The following PCDHGC3 variants were observed in gnomAD, a reference collection of about 807,000 sequenced individuals.
PCDHGC3 encodes the protein protocadherin gamma-C3.
PCDHGC3 carries 26 observed loss-of-function variants against 59.2 expected under a neutral mutation model. The ratio of observed to expected loss-of-function variants is 0.44; its 90% CI spans 0.32 to 0.61. The LOEUF (loss-of-function observed/expected upper bound fraction) is 0.61. Ranked by LOEUF, PCDHGC3 falls within the 20% of genes least tolerant of loss-of-function variation. PCDHGC3 has a pLI of 0.05. For synonymous variants in PCDHGC3, 487 were observed against 519.7 expected (o/e 0.94, Z 0.86); for missense variants, 1,080 against 1,221.8 (o/e 0.88, Z 1.73).
At position 141,477,550 on chromosome 5, in the gene PCDHGC3, C is replaced by T. The variant is rs1262360790; in HGVS notation, c.1434C>T (p.Asn478=). The T allele has an allele frequency of 4.3e-6, 7 of 1,614,178 alleles. No homozygotes were observed. The highest frequency in any genetic ancestry group is 5.9e-6 in the Non-Finnish European group (7 of 1,180,036). Residue 478 remains asparagine (N), a synonymous_variant, in exon 1 of 4, where the codon AAC becomes AAT. Transcript: ENST00000308177. This position sits in a 1 kb window ranked among gnomAD's most constrained non-coding sequence, Gnocchi z 4.9. ...ACCTCCCCGGGGCTCCAATACTAAACCTAAGTGTCTGGGACCCCGACGCCC... is the reference window on the plus strand; with the variant it reads ...ACCTCCCCGGGGCTCCAATACTAAATCTAAGTGTCTGGGACCCCGACGCCC... The part of the protein sequence containing the change: ...ENNLPGAPIL[N]LSVWDPDAPQ...
rs756466649 is a variant in PCDHGC3, at chr5:141,495,663, G to A, written c.2489+798G>A. 1.1e-3 allele frequency among the ~76,000 whole-genome samples: 169 copies of A among 152,164 alleles called. 3 individuals are homozygous for A. The highest frequency in any genetic ancestry group is 1.9e-3 in the Admixed American group (29 of 15,272). ...TTGTCTACTTGCATTGATCTGTGCCGCCCACTGTGCCTGCCATGGCATAAG... is the reference window on the plus strand; with the variant it reads ...TTGTCTACTTGCATTGATCTGTGCCACCCACTGTGCCTGCCATGGCATAAG... On this transcript the variant is annotated intron_variant, in intron 2 of 3. Coordinates refer to ENST00000308177, the MANE Select transcript of PCDHGC3 (RefSeq NM_002588.4).
intron 1 of PCDHGC3, among the ~76,000 whole-genome samples, chr5:141,480,873 C>A (rs1026513782): frequency 6.6e-6 from 1 of 152,168 alleles, no homozygotes; most frequent in East Asian, 1.9e-4. Context: ...GGTGAAACCC[C>A]GTCTCTACTA....
chr5:141,497,649 C>T (rs973501351), intron 2 of PCDHGC3, among the ~76,000 whole-genome samples: 1 of 151,784 alleles, frequency 6.6e-6, no homozygotes, highest in Non-Finnish European at 1.5e-5. Context: ...AAGCGATTCT[C>T]CTGCCTCAGC....
At position 141,490,076 on chromosome 5, in the gene PCDHGC3, A is replaced by G. The variant is rs1025569516; in HGVS notation, c.2431-4731A>G. 2.5e-6 allele frequency: 4 copies of G among 1,614,240 alleles called. No homozygotes were observed. The highest frequency in any genetic ancestry group is 1.3e-5 in the African/African-American group (1 of 75,070). Reference sequence around the variant, plus strand: ...GAGGGCACCAACGGCCAACTAGACTATTCTTTTGGAGACCACACATCTGAG... The same window carrying G: ...GAGGGCACCAACGGCCAACTAGACTGTTCTTTTGGAGACCACACATCTGAG... On this transcript the variant is annotated intron_variant, in intron 1 of 3. Coordinates refer to ENST00000308177, the MANE Select transcript of PCDHGC3 (RefSeq NM_002588.4). The surrounding 1 kb of genome is among the most constrained non-coding windows in gnomAD (Gnocchi z 5.4).
chr5:141,495,644 A>C (rs767670166), intron 2 of PCDHGC3, among the ~76,000 whole-genome samples: 1 of 151,770 alleles, frequency 6.6e-6, no homozygotes, highest in African/African-American at 2.4e-5. Flanking sequence ...TCATTTGTCT[A>C]CTTGCATTGA....
Position 141,490,943 on chromosome 5 carries a change from G to A in PCDHGC3, c.2431-3864G>A, listed in dbSNP as rs1035375216. The A allele has an allele frequency of 6.8e-6, 11 of 1,613,470 alleles. No homozygotes were observed. The East Asian group carries it at 1.1e-4, about 16-fold the overall frequency. On this transcript the variant is annotated intron_variant, in intron 1 of 3. Coordinates refer to ENST00000308177, the MANE Select transcript of PCDHGC3 (RefSeq NM_002588.4). This position sits in a 1 kb window ranked among gnomAD's most constrained non-coding sequence, Gnocchi z 5.4. Reference sequence around the variant, plus strand: ...AATGCCCCAGCTGTGCTGCACCCACGGCCAGACTGGGAACACTCAGCCCCC... The same window carrying A: ...AATGCCCCAGCTGTGCTGCACCCACAGCCAGACTGGGAACACTCAGCCCCC...
Position 141,491,029 on chromosome 5 carries a change from G to T in PCDHGC3, c.2431-3778G>T. 1 of 1,614,172 alleles carries T rather than the reference G, an allele frequency of 6.2e-7. No homozygotes were observed. The highest frequency in any genetic ancestry group is 1.1e-5 in the South Asian group (1 of 91,088). On this transcript the variant is annotated intron_variant, in intron 1 of 3. Coordinates refer to ENST00000308177, the MANE Select transcript of PCDHGC3 (RefSeq NM_002588.4). The surrounding 1 kb of genome is among the most constrained non-coding windows in gnomAD (Gnocchi z 6.9). ...GGTCACCAAGGTGACAGCCGTGGAT[G>T]CTGATGCAGGCCACAATGCGTGGCT...
In PCDHGC3 at chr5:141,486,341, C is replaced by T; in HGVS notation, c.2430+7795C>T. On this transcript the variant is annotated intron_variant, in intron 1 of 3. Coordinates refer to ENST00000308177, the MANE Select transcript of PCDHGC3 (RefSeq NM_002588.4). The surrounding 1 kb of genome is among the most constrained non-coding windows in gnomAD (Gnocchi z 5.0). ...AAACGGAGATGTGAGCCTCCGCATTCCTGACCACTTGCCATTTGCCCTCAA... is the reference window on the plus strand; with the variant it reads ...AAACGGAGATGTGAGCCTCCGCATTTCTGACCACTTGCCATTTGCCCTCAA... The T allele has an allele frequency of 6.2e-7, 1 of 1,614,128 alleles. No individual in the cohort carries two copies. Among genetic ancestry groups the T allele is most frequent in the Non-Finnish European group, 8.5e-7 (1 of 1,179,992 alleles).
At chr5:141,484,908 G>T in intron 1 of PCDHGC3, 1 of 415,428 alleles carries the variant, frequency 2.4e-6, no homozygotes, top group East Asian at 4.2e-5. Context: ...ATGCTGCGAC[G>T]CATTAACCCT....
chr5:141,502,577 A>G (rs1260539435), intron 2 of PCDHGC3, among the ~76,000 whole-genome samples: 2 of 152,192 alleles, frequency 1.3e-5, no homozygotes, highest in African/African-American at 4.8e-5. Context: ...TTATAAAAAT[A>G]TATTTTTATA....
Position 141,477,662 on chromosome 5 carries a change from A to G in PCDHGC3, c.1546A>G (p.Asn516Asp). The change falls in exon 1 of 4, where the codon AAT (asparagine) becomes GAT (aspartate). Residue 516 changes from asparagine to aspartate, a missense_variant. By Grantham distance (23) the Asn-to-Asp change is conservative. Transcript: ENST00000308177. The surrounding 1 kb of genome is among the most constrained non-coding windows in gnomAD (Gnocchi z 4.9). ...TCGCTATTTCACAATAAATCGTGAC[A>G]ATGGCATAGTGTCATCCTTAGTGCC... Reference protein sequence around the residue: ...VGRYFTINRDNGIVSSLVPLD... With the variant: ...VGRYFTINRDDGIVSSLVPLD... The G allele has an allele frequency of 6.2e-7, 1 of 1,614,222 alleles. No individual in the cohort carries two copies.
chr5:141,490,882 A>G lies in PCDHGC3; in HGVS notation c.2431-3925A>G, dbSNP rs758716907. ...CGGCTCTCCCCCATTGCATGCCAAC[A>G]CATCTCTGCATGTGTTTGTCCTAGA... On this transcript the variant is annotated intron_variant, in intron 1 of 3. Coordinates refer to ENST00000308177, the MANE Select transcript of PCDHGC3 (RefSeq NM_002588.4). This position sits in a 1 kb window ranked among gnomAD's most constrained non-coding sequence, Gnocchi z 5.4. 6.2e-7 allele frequency: 1 copy of G among 1,613,848 alleles called. No individual in the cohort carries two copies. Among genetic ancestry groups the G allele is most frequent in the Non-Finnish European group, 8.5e-7 (1 of 1,179,920 alleles).
Position 141,487,845 on chromosome 5 carries a change from A to C in PCDHGC3, c.2431-6962A>C, listed in dbSNP as rs2099667978. ...GGGTCATGCCTATATCTGAGTAAGA[A>C]ATGAAAGTAATTGGTGATCAAGAGC... On this transcript the variant is annotated intron_variant, in intron 1 of 3. Coordinates refer to ENST00000308177, the MANE Select transcript of PCDHGC3 (RefSeq NM_002588.4). The surrounding 1 kb of genome is among the most constrained non-coding windows in gnomAD (Gnocchi z 5.0). 2.9e-6 allele frequency: 3 copies of C among 1,027,382 alleles called. No homozygotes were observed. Among genetic ancestry groups the C allele is most frequent in the Non-Finnish European group, 4.2e-6 (3 of 716,452 alleles). The allele number at this position is 1,027,382 out of a possible 1,614,324, so 63.6% of individuals were successfully genotyped here.
intron 1 of PCDHGC3, among the ~76,000 whole-genome samples, chr5:141,481,676 G>A (rs975849679): frequency 3.3e-5 from 5 of 152,028 alleles, no homozygotes; most frequent in Admixed American, 1.3e-4. Flanking sequence ...AAATCAGGCC[G>A]GGCCTGGTGG....
intron 3 of PCDHGC3, among the ~76,000 whole-genome samples, chr5:141,506,444 CAAAAAAAAAA>C (rs1219684339): frequency 8.4e-5 from 8 of 95,030 alleles, no homozygotes; most frequent in Non-Finnish European, 1.3e-4. Context: ...CGCTCTGTCT[CAAAAAAAAAA>C]AAAAAAAAAA....
Position 141,476,819 on chromosome 5 carries a change from C to T in PCDHGC3, c.703C>T (p.Leu235=). ...CAGCCTGCCTATTCACATCAAGGTGCTGGACGCGAATGACAATGCGCCTGT... is the reference window on the plus strand; with the variant it reads ...CAGCCTGCCTATTCACATCAAGGTGTTGGACGCGAATGACAATGCGCCTGT... ...SASLPIHIKV[L]DANDNAPVFN... The change falls in exon 1 of 4, where the codon CTG becomes TTG. Residue 235 remains leucine (L), a synonymous_variant. Coordinates refer to ENST00000308177, the MANE Select transcript of PCDHGC3 (RefSeq NM_002588.4). The surrounding 1 kb of genome is among the most constrained non-coding windows in gnomAD (Gnocchi z 7.6). 6.2e-7 allele frequency: 1 copy of T among 1,613,524 alleles called. No homozygotes were observed. The highest frequency in any genetic ancestry group is 8.5e-7 in the Non-Finnish European group (1 of 1,180,036).
intron 1 of PCDHGC3, chr5:141,492,015 G>A (rs117345436): frequency 3.3e-6 from 2 of 600,492 alleles, no homozygotes; most frequent in African/African-American, 1.9e-5. Context: ...CGCGGGTGTC[G>A]GGGGTCCCGG....
chr5:141,505,277 G>A, intron 2 of PCDHGC3, 116 bp from the exon 3 acceptor site: 1 of 1,539,958 alleles, frequency 6.5e-7, no homozygotes, highest in African/African-American at 1.4e-5. Context: ...AGAGAAACAG[G>A]TCTTGGGCAT....
chr5:141,502,246 T>A (rs1449536622), intron 2 of PCDHGC3, among the ~76,000 whole-genome samples: 1 of 152,206 alleles, frequency 6.6e-6, no homozygotes, highest in African/African-American at 2.4e-5. Flanking sequence ...TTTATCCTTT[T>A]TTTTAATCCA....
Sources: allele counts gnomAD v4.1 joint callset (sites outside exome capture counted in the v4.1 genomes callset), GRCh38; gene constraint gnomAD v4.1.1; non-coding constraint Gnocchi (gnomAD v3.1); transcripts MANE v1.5; gene names NCBI Gene and HGNC (gene_info 2026-07-23, HGNC 2026-07-21).